The following CYP19A1 variants were observed in gnomAD, a reference collection of about 807,000 sequenced individuals.
CYP19A1 encodes the protein aromatase.
A neutral mutation model predicts 44.4 loss-of-function variants in CYP19A1; 32 were observed. The observed-to-expected ratio is 0.72, with a 90% CI of 0.54 to 0.97. The LOEUF (loss-of-function observed/expected upper bound fraction) is 0.97. CYP19A1 is among the 50% of genes least tolerant of loss of function. The pLI is 0.00. For missense variants in CYP19A1, 598 were observed against 637.8 expected, an observed-to-expected ratio of 0.94 and a Z score of 0.67; for synonymous variants, 212 against 215.6, an observed-to-expected ratio of 0.98 and a Z score of 0.14.
chr15:51,316,765 T>C (rs1370650192), intron 1 of CYP19A1, among the ~76,000 whole-genome samples: 2 of 151,520 alleles, frequency 1.3e-5, no homozygotes, highest in African/African-American at 2.4e-5. Context: ...AATGGCAATA[T>C]GTGCAGTTAA....
At chr15:51,223,591 T>TCACA (rs1157301044) in intron 4 of CYP19A1, among the ~76,000 whole-genome samples, 71 of 56,978 alleles carry the variant, frequency 1.2e-3, no homozygotes, top group Non-Finnish European at 1.9e-3. Flanking sequence ...TCTCTCTCTC[T>TCACA]CTCACACACA....
chr15:51,218,730 G>A (rs2031811665), intron 5 of CYP19A1, 75 bp from the exon 6 acceptor site: 8 of 1,546,370 alleles, frequency 5.2e-6, no homozygotes, highest in Non-Finnish European at 5.2e-6. Flanking sequence ...GTTGCTCTGA[G>A]CAGAAAACAT....
intron 1 of CYP19A1, chr15:51,312,470 T>C (rs1439732848): frequency 6.6e-6 from 1 of 152,218 alleles, no homozygotes; most frequent in African/African-American, 2.4e-5. Flanking sequence ...GAAAAAACAG[T>C]CTGAGAGAAG....
chr15:51,337,501 T>C (rs1471718386), intron 1 of CYP19A1, among the ~76,000 whole-genome samples: 1 of 152,252 alleles, frequency 6.6e-6, no homozygotes, highest in African/African-American at 2.4e-5. Flanking sequence ...TCTAAAGTCA[T>C]GCAGTTAAAA....
At chr15:51,264,156 G>A (rs1273226113) in intron 1 of CYP19A1, among the ~76,000 whole-genome samples, 2 of 152,202 alleles carry the variant, frequency 1.3e-5, no homozygotes, top group Admixed American at 6.5e-5. Context: ...CTGTAGAGAA[G>A]GGACTTGAGC....
chr15:51,216,131 G>A, intron 6 of CYP19A1: 1 of 394,798 alleles, frequency 2.5e-6, no homozygotes, highest in South Asian at 2.7e-5. Context: ...TTCTGATTTG[G>A]CAGGCACAAT....
intron 1 of CYP19A1, among the ~76,000 whole-genome samples, chr15:51,261,309 C>CAACCATCTT (rs2034712250): frequency 1.3e-5 from 2 of 152,086 alleles, no homozygotes; most frequent in East Asian, 1.9e-4. Flanking sequence ...GAGTGGCCCA[C>CAACCATCTT]GACCATCTTG....
At position 51,210,540 on chromosome 15, in the gene CYP19A1, G is replaced by A. The variant is rs950527328; in HGVS notation, c.*268C>T. The A allele has an allele frequency of 1.6e-6, 1 of 606,120 alleles. No homozygotes were observed. The highest frequency in any genetic ancestry group is 3.1e-6 in the Non-Finnish European group (1 of 322,082). The allele number at this position is 606,120 out of a possible 1,614,324, so 37.5% of individuals were successfully genotyped here. On this transcript the variant is annotated 3_prime_UTR_variant, in exon 10 of 10. Coordinates refer to ENST00000396402, the MANE Select transcript of CYP19A1 (RefSeq NM_000103.4). ...TTCTCAAAGCACATTTGGTGGAATC[G>A]GGTCTTTATGGATACGGTTTCTTCA...
At chr15:51,281,339 T>C (rs1246885378) in intron 1 of CYP19A1, among the ~76,000 whole-genome samples, 1 of 152,160 alleles carries the variant, frequency 6.6e-6, no homozygotes, top group Non-Finnish European at 1.5e-5. Context: ...GATGTTTGGG[T>C]CACTCTCTGG....
chr15:51,287,659 C>T (rs549003128), intron 1 of CYP19A1, among the ~76,000 whole-genome samples: 1 of 152,322 alleles, frequency 6.6e-6, no homozygotes, highest in South Asian at 2.1e-4. Context: ...CCCTCACCTT[C>T]CCTCATGCCC....
chr15:51,259,639 G>T (rs759041688), intron 1 of CYP19A1, among the ~76,000 whole-genome samples: 4 of 152,168 alleles, frequency 2.6e-5, no homozygotes, highest in Non-Finnish European at 5.9e-5. Flanking sequence ...AAATGCAAAC[G>T]GTAAACCTTG....
chr15:51,315,808 C>T (rs559107517), intron 1 of CYP19A1: 1 of 152,296 alleles, frequency 6.6e-6, no homozygotes, highest in Non-Finnish European at 1.5e-5. Context: ...TAATAGCACG[C>T]TCCTCTATTT....
intron 1 of CYP19A1, among the ~76,000 whole-genome samples, chr15:51,319,717 A>G (rs1595783128): frequency 1.3e-5 from 2 of 152,328 alleles, no homozygotes; most frequent in East Asian, 3.9e-4. Flanking sequence ...GTTAATGGGC[A>G]TGAAAGGCCT....
chr15:51,241,265 T>C (rs2033746251), intron 2 of CYP19A1, among the ~76,000 whole-genome samples: 1 of 152,184 alleles, frequency 6.6e-6, no homozygotes, highest in African/African-American at 2.4e-5. Flanking sequence ...CTGATTAACA[T>C]AAGCATCTGC....
intron 1 of CYP19A1, among the ~76,000 whole-genome samples, chr15:51,272,835 C>G (rs1469063804): frequency 1.3e-5 from 2 of 152,172 alleles, no homozygotes; most frequent in Non-Finnish European, 2.9e-5. Context: ...TGGAGTTTGG[C>G]TGTGACAGTT....
intron 1 of CYP19A1, among the ~76,000 whole-genome samples, chr15:51,251,986 T>A (rs2034329431): frequency 6.6e-6 from 1 of 152,124 alleles, no homozygotes. Flanking sequence ...TGCCCAGCAT[T>A]CTTACCCTTT....
intron 5 of CYP19A1, among the ~76,000 whole-genome samples, chr15:51,220,359 T>C: frequency 6.6e-6 from 1 of 152,250 alleles, no homozygotes. Context: ...CTATGTCTTT[T>C]CCTGTCCACA....
chr15:51,211,484 A>G (rs1229785557), intron 9 of CYP19A1, among the ~76,000 whole-genome samples: 5 of 152,354 alleles, frequency 3.3e-5, no homozygotes. Context: ...CAAGCATCTA[A>G]CTATTTGTAG....
At chr15:51,272,831 T>C (rs570875584) in intron 1 of CYP19A1, among the ~76,000 whole-genome samples, 1 of 152,300 alleles carries the variant, frequency 6.6e-6, no homozygotes, top group South Asian at 2.1e-4. Context: ...GGTGTGGAGT[T>C]TGGCTGTGAC....
Sources: gnomAD v4.1 joint callset for allele counts (sites outside exome capture counted in the v4.1 genomes callset) on GRCh38, gnomAD v4.1.1 for gene constraint, MANE v1.5 for transcripts, NCBI Gene and HGNC (gene_info 2026-07-23, HGNC 2026-07-21) for gene names.